FOXN3: variants seen among roughly 807,000 people sequenced by gnomAD.
FOXN3 encodes forkhead box N3.
Under a neutral mutation model 38.4 loss-of-function variants are expected in FOXN3, and 7 were observed. The observed-to-expected ratio is 0.18, with a 90% CI of 0.10 to 0.34. FOXN3 has a LOEUF of 0.34. FOXN3 is among the 10% of genes least tolerant of loss of function. The probability of loss-of-function intolerance (pLI) is 1.00; values close to 1 mark genes in which losing one functional copy is unlikely to be tolerated. For synonymous variants in FOXN3, 230 were observed against 242.2 expected, an observed-to-expected ratio of 0.95 and a Z score of 0.47; for missense variants, 456 against 613.4, an observed-to-expected ratio of 0.74 and a Z score of 2.71.
chr14:89,350,029 G>C lies in FOXN3; in HGVS notation c.680+643C>G, dbSNP rs542666272. 2.6e-5 allele frequency among the ~76,000 whole-genome samples: 4 copies of C among 152,108 alleles called. No individual in the cohort carries two copies. In the South Asian group the frequency reaches 8.3e-4, roughly 32 times the overall value. On this transcript the variant is annotated intron_variant, in intron 3 of 5. Coordinates refer to ENST00000557258, the MANE Select transcript of FOXN3 (RefSeq NM_005197.4). ...GTTCTGATTATTTGGCTCTCTTTTGGAATCTAACATTAAGACACTTTTTAA... is the reference window on the plus strand; with the variant it reads ...GTTCTGATTATTTGGCTCTCTTTTGCAATCTAACATTAAGACACTTTTTAA...
At chr14:89,299,948 C>T (rs1377967597) in intron 3 of FOXN3, among the ~76,000 whole-genome samples, 2 of 152,136 alleles carry the variant, frequency 1.3e-5, no homozygotes, top group Non-Finnish European at 2.9e-5. Context: ...TGAACTGAAT[C>T]GCAAGGAAGC....
chr14:89,375,392 C>T (rs1370018680), intron 2 of FOXN3, among the ~76,000 whole-genome samples: 1 of 151,964 alleles, frequency 6.6e-6, no homozygotes, highest in East Asian at 1.9e-4. Flanking sequence ...TGCAACATAA[C>T]CTCACCAGAA....
At chr14:89,402,549 C>T (rs1891277488) in intron 2 of FOXN3, among the ~76,000 whole-genome samples, 1 of 152,176 alleles carries the variant, frequency 6.6e-6, no homozygotes, top group African/African-American at 2.4e-5. Context: ...CCCAGGCTTC[C>T]TTGCAGCTAG....
At chr14:89,362,989 C>T (rs1050914546) in intron 2 of FOXN3, among the ~76,000 whole-genome samples, 3 of 152,230 alleles carry the variant, frequency 2.0e-5, no homozygotes, top group Admixed American at 6.5e-5. Flanking sequence ...AGGCAGGGTC[C>T]GTTTCCTTAA....
In FOXN3 at chr14:89,549,914, C is replaced by T. The variant is rs574141758; in HGVS notation, c.-15+69114G>A. Reference sequence around the variant, plus strand: ...ATGGGAGTTTCAGACTGTGAGGTTCCCAAGTCTTCATTCACATTACATTTC... The same window carrying T: ...ATGGGAGTTTCAGACTGTGAGGTTCTCAAGTCTTCATTCACATTACATTTC... On this transcript the variant is annotated intron_variant, in intron 1 of 6. Transcript: ENST00000345097. Among the ~76,000 whole-genome samples, 23 of 152,302 alleles carry T rather than the reference C, an allele frequency of 1.5e-4. No homozygotes were observed. In the South Asian group the frequency reaches 1.9e-3, roughly 12 times the overall value.
intron 1 of FOXN3, among the ~76,000 whole-genome samples, chr14:89,498,917 T>C (rs1391581319): frequency 1.3e-5 from 2 of 152,162 alleles, no homozygotes; most frequent in Admixed American, 6.5e-5. Flanking sequence ...CAAAATGGAT[T>C]GTATATGAAA....
chr14:89,527,336 T>C (rs1013821603), intron 1 of FOXN3, among the ~76,000 whole-genome samples: 2 of 152,220 alleles, frequency 1.3e-5, no homozygotes, highest in Admixed American at 6.5e-5. Flanking sequence ...ACCTGTTAGA[T>C]ATAATGCCAA....
chr14:89,544,889 T>C (rs1460952840), intron 1 of FOXN3, among the ~76,000 whole-genome samples: 1 of 152,246 alleles, frequency 6.6e-6, no homozygotes, highest in Non-Finnish European at 1.5e-5. Context: ...AACTGAAATA[T>C]ACACTGTTCA....
chr14:89,318,775 C>T (rs1887809509), intron 3 of FOXN3, among the ~76,000 whole-genome samples: 1 of 152,198 alleles, frequency 6.6e-6, no homozygotes, highest in Admixed American at 6.5e-5. Context: ...TGGAGCTGAC[C>T]ACTCAAATCC....
At chr14:89,335,076 A>AAC (rs1566959671) in intron 3 of FOXN3, among the ~76,000 whole-genome samples, 4 of 88,010 alleles carry the variant, frequency 4.5e-5, no homozygotes, top group Non-Finnish European at 8.2e-5. Flanking sequence ...CTATTTTCAT[A>AAC]TCACACACAC....
chr14:89,468,429 G>C (rs187805521), intron 1 of FOXN3, among the ~76,000 whole-genome samples: 51 of 151,984 alleles, frequency 3.4e-4, no homozygotes, highest in African/African-American at 1.2e-3. Flanking sequence ...ACAACATCCT[G>C]GGTGACAGAG....
At chr14:89,291,771 T>C (rs781355655) in intron 3 of FOXN3, among the ~76,000 whole-genome samples, 5 of 152,226 alleles carry the variant, frequency 3.3e-5, no homozygotes, top group Non-Finnish European at 5.9e-5. Flanking sequence ...CGAACTGCGA[T>C]TGACCTACGG....
At chr14:89,294,038 C>A (rs182210989) in intron 3 of FOXN3, among the ~76,000 whole-genome samples, 2 of 152,142 alleles carry the variant, frequency 1.3e-5, no homozygotes, top group African/African-American at 4.8e-5. Context: ...GCTCTGACAC[C>A]TTCCTCAGCT....
At chr14:89,292,082 C>T (rs1006805455) in intron 3 of FOXN3, among the ~76,000 whole-genome samples, 6 of 152,176 alleles carry the variant, frequency 3.9e-5, no homozygotes, top group Non-Finnish European at 7.3e-5. Context: ...CTTTTCTAAA[C>T]GAAGGACATG....
intron 1 of FOXN3, among the ~76,000 whole-genome samples, chr14:89,568,100 C>G (rs1416401315): frequency 6.6e-6 from 1 of 151,982 alleles, no homozygotes; most frequent in African/African-American, 2.4e-5. Flanking sequence ...TCTCGCTGCC[C>G]CCCCAAATTT....
At chr14:89,550,433 T>A (rs1894979543) in intron 1 of FOXN3, among the ~76,000 whole-genome samples, 2 of 152,148 alleles carry the variant, frequency 1.3e-5, no homozygotes, top group South Asian at 4.1e-4. Context: ...TCCTGGACAA[T>A]CTACTGAAAA....
intron 3 of FOXN3, among the ~76,000 whole-genome samples, chr14:89,343,093 T>G (rs976382057): frequency 6.6e-6 from 1 of 152,192 alleles, no homozygotes; most frequent in Non-Finnish European, 1.5e-5. Context: ...TGCCAACTAT[T>G]AAACGCACAA....
chr14:89,616,385 G>A (rs536749191), intron 1 of FOXN3, among the ~76,000 whole-genome samples: 37 of 152,234 alleles, frequency 2.4e-4, no homozygotes, highest in African/African-American at 8.2e-4. Context: ...TAAGTCAACT[G>A]GGTAATAATA....
At chr14:89,475,156 G>A (rs1329796126) in intron 1 of FOXN3, among the ~76,000 whole-genome samples, 2 of 152,032 alleles carry the variant, frequency 1.3e-5, no homozygotes, top group African/African-American at 4.8e-5. Flanking sequence ...CCTATAAAGT[G>A]TCCCAGAATC....
Sources: allele counts gnomAD v4.1 joint callset (sites outside exome capture counted in the v4.1 genomes callset), GRCh38; gene constraint gnomAD v4.1.1; transcripts MANE v1.5; gene names NCBI Gene and HGNC (gene_info 2026-07-23, HGNC 2026-07-21).